SIPA1L3: variants seen among roughly 807,000 people sequenced by gnomAD.
The protein encoded by SIPA1L3 is signal-induced proliferation-associated 1-like protein 3.
SIPA1L3 carries 59 observed loss-of-function variants against 150.1 expected under a neutral mutation model. That is an observed-to-expected ratio of 0.39 (90% CI 0.32 to 0.49). SIPA1L3 has a LOEUF of 0.49. Among genes scored for constraint, SIPA1L3 ranks in the 20% least tolerant of loss-of-function variants. The pLI is 0.86. For synonymous variants in SIPA1L3, 1,070 were observed against 1,077.6 expected (o/e 0.99, Z 0.14); for missense variants, 2,211 against 2,489.5 (o/e 0.89, Z 2.38).
intron 1 of SIPA1L3, among the ~76,000 whole-genome samples, chr19:37,987,906 G>C (rs913136415): frequency 2.0e-5 from 3 of 152,240 alleles, no homozygotes; most frequent in African/African-American, 4.8e-5. Context: ...GGGAGAGTGG[G>C]AATCAGAATG....
At chr19:37,914,179 G>A (rs1352328925) in intron 1 of SIPA1L3, among the ~76,000 whole-genome samples, 1 of 152,090 alleles carries the variant, frequency 6.6e-6, no homozygotes, top group Non-Finnish European at 1.5e-5. Flanking sequence ...GGCCTCCCAG[G>A]CCTCTTTGAG....
chr19:38,081,727 GGCCACCGCCACCGCCACC>G lies in SIPA1L3; in HGVS notation c.175_192del (p.Ala59_Thr64del). 5.0e-6 allele frequency: 8 copies of G among 1,602,812 alleles called. No individual in the cohort carries two copies. Among genetic ancestry groups the G allele is most frequent in the Non-Finnish European group, 6.8e-6 (8 of 1,176,334 alleles). On this transcript the variant is annotated inframe_deletion, in exon 3 of 22. Transcript: ENST00000222345. ...TGTCCCAGCCTCTTGGCGAGAGCCC[GGCCACCGCCACCGCCACC>G]GCCACCGCCACCACCCGCCCCAGCC...
Position 38,119,308 on chromosome 19 carries a change from T to C in SIPA1L3, c.2294T>C (p.Met765Thr). ...CTAAATAATCTCTCCCTCCACAGTA[T>C]GGCTGTGACCCGATCCAAAGACGCT... ...NPCTDNVCYS[M>T]AVTRSKDAPP... The change falls in exon 9 of 22, where the codon ATG becomes ACG. Residue 765 changes from methionine to threonine, a missense_variant and splice_region_variant. Physicochemically the swap from Met to Thr is moderately conservative, Grantham distance 81. Coordinates refer to ENST00000222345, the MANE Select transcript of SIPA1L3 (RefSeq NM_015073.3). The C allele has an allele frequency of 1.2e-6, 2 of 1,613,080 alleles. No homozygotes were observed. The highest frequency in any genetic ancestry group is 1.7e-6 in the Non-Finnish European group (2 of 1,179,324).
intron 10 of SIPA1L3, among the ~76,000 whole-genome samples, chr19:38,140,021 C>G (rs919267485): frequency 6.6e-6 from 1 of 152,230 alleles, no homozygotes; most frequent in Non-Finnish European, 1.5e-5. Flanking sequence ...GTTTCCAACA[C>G]GTGACTTTTG....
chr19:38,063,331 G>A (rs934849720), intron 2 of SIPA1L3, among the ~76,000 whole-genome samples: 1 of 151,988 alleles, frequency 6.6e-6, no homozygotes, highest in African/African-American at 2.4e-5. Flanking sequence ...TGGCTGTGGT[G>A]TTCCGGGTGG....
At chr19:37,979,482 G>A (rs1265483913) in intron 1 of SIPA1L3, among the ~76,000 whole-genome samples, 6 of 151,796 alleles carry the variant, frequency 4.0e-5, no homozygotes, top group South Asian at 2.1e-4. Context: ...GCTTGAGCCC[G>A]GGAGGCGGAG....
chr19:37,919,804 G>A (rs748279463), intron 1 of SIPA1L3, among the ~76,000 whole-genome samples: 16 of 139,128 alleles, frequency 1.2e-4, no homozygotes, highest in Non-Finnish European at 2.0e-4. Context: ...TCTGCCTCCC[G>A]GGTTCAAGCA....
At chr19:38,185,113 G>C (rs528309443) in intron 16 of SIPA1L3, 1 of 152,380 alleles carries the variant, frequency 6.6e-6, no homozygotes, top group Admixed American at 6.6e-5. Context: ...ATGAGGACTC[G>C]CTCTAATGCC....
At chr19:38,091,903 CAA>C (rs36082931) in intron 4 of SIPA1L3, among the ~76,000 whole-genome samples, 1 of 144,506 alleles carries the variant, frequency 6.9e-6, no homozygotes, top group African/African-American at 2.5e-5. Context: ...ACTACAAATA[CAA>C]AAAAAAAAAT....
chr19:38,179,252 G>C (rs1893752602), intron 15 of SIPA1L3, among the ~76,000 whole-genome samples: 1 of 152,184 alleles, frequency 6.6e-6, no homozygotes, highest in South Asian at 2.1e-4. Context: ...GACCAGCCTG[G>C]CCAGCATGGC....
intron 4 of SIPA1L3, 40 bp from the exon 5 acceptor site, chr19:38,099,921 TC>T (rs1568549392): frequency 6.7e-7 from 1 of 1,502,272 alleles, no homozygotes; most frequent in Admixed American, 2.3e-5. Context: ...CCTTTTTAGG[TC>T]TCGAGAGCCC....
Position 37,926,273 on chromosome 19 carries a change from C to T in SIPA1L3, c.-379+18915C>T, listed in dbSNP as rs73630998. ...CCCAACAGTGCCTGTAACACCAGGG[C>T]GTGAAAACCCCTGCCCTACTTGTGG... On this transcript the variant is annotated intron_variant, in intron 1 of 21. Coordinates refer to ENST00000222345, the MANE Select transcript of SIPA1L3 (RefSeq NM_015073.3). Among the ~76,000 whole-genome samples the T allele has an allele frequency of 5.9e-3, 905 of 152,294 alleles. 10 individuals are homozygous for T. Among genetic ancestry groups the T allele is most frequent in the African/African-American group, 0.021 (853 of 41,568 alleles).
intron 2 of SIPA1L3, among the ~76,000 whole-genome samples, chr19:38,075,674 G>A (rs1969821411): frequency 6.6e-6 from 1 of 151,698 alleles, no homozygotes; most frequent in Non-Finnish European, 1.5e-5. Context: ...CAGCTACTCA[G>A]GAGGCTGAGG....
At chr19:38,133,909 C>T (rs760785954) in intron 10 of SIPA1L3, among the ~76,000 whole-genome samples, 2 of 151,984 alleles carry the variant, frequency 1.3e-5, no homozygotes, top group Non-Finnish European at 2.9e-5. Flanking sequence ...TTTTGGAGGC[C>T]GAGGCCAGAA....
chr19:37,915,358 G>T (rs1346734345), intron 1 of SIPA1L3, among the ~76,000 whole-genome samples: 1 of 152,060 alleles, frequency 6.6e-6, no homozygotes, highest in Non-Finnish European at 1.5e-5. Flanking sequence ...GGACTTGGCT[G>T]GAAAAGGTGT....
intron 13 of SIPA1L3, among the ~76,000 whole-genome samples, chr19:38,160,067 A>C (rs1972044314): frequency 6.6e-6 from 1 of 152,060 alleles, no homozygotes; most frequent in Non-Finnish European, 1.5e-5. Flanking sequence ...GATGGAGTGT[A>C]ATGGCGCGAT....
intron 2 of SIPA1L3, among the ~76,000 whole-genome samples, chr19:38,055,418 A>C (rs1318579113): frequency 1.3e-5 from 2 of 152,344 alleles, no homozygotes; most frequent in Admixed American, 1.3e-4. Flanking sequence ...TTCCAAGTAC[A>C]AGAGAAGGGT....
intron 9 of SIPA1L3, among the ~76,000 whole-genome samples, chr19:38,124,076 A>G (rs2145905446): frequency 6.8e-6 from 1 of 147,948 alleles, no homozygotes; most frequent in Non-Finnish European, 1.5e-5. Flanking sequence ...CACCTCCCGG[A>G]CGGGGCGGCT....
intron 2 of SIPA1L3, among the ~76,000 whole-genome samples, chr19:38,045,808 G>T (rs921242959): frequency 6.6e-6 from 1 of 152,078 alleles, no homozygotes; most frequent in Non-Finnish European, 1.5e-5. Context: ...TGTCGCAGGT[G>T]GGGAGGAACT....
Sources: allele counts gnomAD v4.1 joint callset (sites outside exome capture counted in the v4.1 genomes callset), GRCh38; gene constraint gnomAD v4.1.1; transcripts MANE v1.5; gene names NCBI Gene and HGNC (gene_info 2026-07-23, HGNC 2026-07-21).